Variants in LOC114841035 observed in about 807,000 individuals in gnomAD.
the LOC114841035 span, chr11:64,243,821 T>A: frequency 9.3e-6 from 15 of 1,613,844 alleles, no homozygotes; most frequent in Admixed American, 3.3e-5. Flanking sequence ...ACTGACTGTT[T>A]CTTTGTGCAT....
At chr11:64,244,113 A>G in the LOC114841035 span, 2 of 1,462,698 alleles carry the variant, frequency 1.4e-6, no homozygotes, top group East Asian at 2.3e-5. Context: ...AAACAAACAA[A>G]AAAACACTTA....
the LOC114841035 span, chr11:64,243,676 A>G: frequency 8.6e-7 from 1 of 1,159,106 alleles, no homozygotes; most frequent in Non-Finnish European, 1.3e-6. Context: ...ACTCAGCTGT[A>G]GTGGCCCCAC....
the LOC114841035 span, chr11:64,243,876 G>A: frequency 3.1e-6 from 5 of 1,614,140 alleles, no homozygotes; most frequent in Non-Finnish European, 4.2e-6. Flanking sequence ...AAAGATTCCA[G>A]GTAGTAAACC....
the LOC114841035 span, chr11:64,243,863 C>A: frequency 1.1e-5 from 17 of 1,614,174 alleles, 1 homozygote; most frequent in South Asian, 1.9e-4. Flanking sequence ...GGGGAGCTCC[C>A]CCAAAGATTC....
At chr11:64,243,838 C>T in the LOC114841035 span, 529 of 1,613,950 alleles carry the variant, frequency 3.3e-4, no homozygotes, top group Non-Finnish European at 4.4e-4. Context: ...GCATCTTCAA[C>T]AGGGTATGGA....
At chr11:64,243,359 C>A in the LOC114841035 span, 1 of 1,600,032 alleles carries the variant, frequency 6.2e-7, no homozygotes, top group South Asian at 1.1e-5. Context: ...GCATGGCCAC[C>A]GCCCAGGAGG....
chr11:64,242,670 C>T, the LOC114841035 span: 2 of 1,185,904 alleles, frequency 1.7e-6, no homozygotes, highest in Admixed American at 6.6e-5. Flanking sequence ...CAAGTCCCCT[C>T]TCGCCTCTAA....
At chr11:64,241,477 C>T in the LOC114841035 span, among the ~76,000 whole-genome samples, 8 of 149,942 alleles carry the variant, frequency 5.3e-5, no homozygotes, top group Admixed American at 5.3e-4. Flanking sequence ...AAGGCGGAGC[C>T]TCGGGGTCGG....
the LOC114841035 span, among the ~76,000 whole-genome samples, chr11:64,242,934 T>C: frequency 1.3e-5 from 2 of 152,130 alleles, no homozygotes; most frequent in African/African-American, 4.8e-5. Flanking sequence ...TAGCCAGGCG[T>C]GGTGGCGGGC....
the LOC114841035 span, chr11:64,242,388 A>T: frequency 6.5e-7 from 1 of 1,527,356 alleles, no homozygotes; most frequent in Non-Finnish European, 8.8e-7. Flanking sequence ...CCACAGAGAC[A>T]TGAGGCTGAG....
chr11:64,242,725 G>GCCTAC, the LOC114841035 span, among the ~76,000 whole-genome samples: 1 of 152,194 alleles, frequency 6.6e-6, no homozygotes, highest in Non-Finnish European at 1.5e-5. Flanking sequence ...CTGCCCAGGT[G>GCCTAC]GGCACCAGCA....
chr11:64,243,236 T>C, the LOC114841035 span: 14 of 1,613,558 alleles, frequency 8.7e-6, no homozygotes, highest in Non-Finnish European at 1.2e-5. Context: ...GACAGCAGCC[T>C]GCCCCAGAAC....
the LOC114841035 span, chr11:64,243,237 G>A: frequency 7.4e-6 from 12 of 1,613,694 alleles, no homozygotes; most frequent in Non-Finnish European, 1.0e-5. Flanking sequence ...ACAGCAGCCT[G>A]CCCCAGAACC....
At chr11:64,243,110 G>A in the LOC114841035 span, 4 of 1,183,226 alleles carry the variant, frequency 3.4e-6, no homozygotes, top group Non-Finnish European at 3.8e-6. Context: ...GGGTGGGCGT[G>A]GGGGGGCAGC....
chr11:64,243,536 G>T, the LOC114841035 span: 5 of 1,609,902 alleles, frequency 3.1e-6, no homozygotes, highest in African/African-American at 4.0e-5. Context: ...CGAGTTTGGG[G>T]TGTGTGACTG....
the LOC114841035 span, chr11:64,242,234 C>CG: frequency 1.4e-6 from 1 of 739,100 alleles, no homozygotes; most frequent in Non-Finnish European, 2.0e-6. Flanking sequence ...CCCCGGAGCC[C>CG]GGGGGAGAGG....
the LOC114841035 span, chr11:64,242,511 T>A: frequency 1.4e-4 from 225 of 1,554,250 alleles, no homozygotes; most frequent in Non-Finnish European, 1.8e-4. Flanking sequence ...GGTGGACCAC[T>A]GTCCCATCAA....
chr11:64,243,639 G>A, the LOC114841035 span: 2 of 1,226,574 alleles, frequency 1.6e-6, no homozygotes, highest in African/African-American at 3.0e-5. Context: ...GTGTCTAGCA[G>A]TGAGTACAGG....
chr11:64,242,583 G>T, the LOC114841035 span: 2 of 1,525,634 alleles, frequency 1.3e-6, no homozygotes, highest in South Asian at 2.5e-5. Context: ...CGGGCCTTTT[G>T]GGAGTGGGTG....
Sources: allele counts gnomAD v4.1 joint callset (sites outside exome capture counted in the v4.1 genomes callset), GRCh38; gene constraint gnomAD v4.1.1; transcripts MANE v1.5.